Variants in RP2 observed in about 807,000 individuals in gnomAD.
The protein encoded by RP2 is RP2 activator of ARL3 GTPase.
Under a neutral mutation model 20.3 loss-of-function variants are expected in RP2, and 3 were observed. The observed-to-expected ratio is 0.15, with a 90% CI of 0.07 to 0.38. The LOEUF is 0.38. Ranked by LOEUF, RP2 falls within the 10% of genes least tolerant of loss-of-function variation. The pLI, the probability that RP2 is intolerant of heterozygous loss-of-function variation, is 1.00. For missense variants in RP2, 233 were observed against 268.5 expected, an observed-to-expected ratio of 0.87 and a Z score of 0.92; for synonymous variants, 75 against 94.8, an observed-to-expected ratio of 0.79 and a Z score of 1.22.
At chrX:46,868,647 G>A (rs1925220995) in intron 3 of RP2, among the ~76,000 whole-genome samples, 2 of 109,348 alleles carry the variant, frequency 1.8e-5, no homozygotes, top group Non-Finnish European at 3.8e-5. Context: ...TTAGCCGGGC[G>A]TGGTGGCACT....
chrX:46,863,157 G>A (rs1388268697), intron 3 of RP2, among the ~76,000 whole-genome samples: 1 of 111,851 alleles, frequency 8.9e-6, no homozygotes, highest in Non-Finnish European at 1.9e-5. Context: ...TTTGGGACAA[G>A]TGGGGAAGTT....
At chrX:46,838,869 C>G (rs1319326700) in intron 1 of RP2, among the ~76,000 whole-genome samples, 1 of 111,624 alleles carries the variant, frequency 9.0e-6, no homozygotes, top group Admixed American at 9.6e-5. Context: ...AATAAACTTT[C>G]AATTGTAGAA....
intron 3 of RP2, among the ~76,000 whole-genome samples, chrX:46,862,303 G>A (rs911348615): frequency 2.1e-4 from 23 of 110,080 alleles, no homozygotes; most frequent in Non-Finnish European, 2.5e-4. Context: ...CCTGGGAGGC[G>A]GAGGTTGCAG....
intron 1 of RP2, among the ~76,000 whole-genome samples, chrX:46,852,180 C>G (rs1252305302): frequency 9.1e-6 from 1 of 109,816 alleles, no homozygotes; most frequent in Non-Finnish European, 1.9e-5. Flanking sequence ...GCATTCCAGC[C>G]TGGGCGACAG....
chrX:46,867,517 A>G (rs1405081820), intron 3 of RP2, among the ~76,000 whole-genome samples: 1 of 112,865 alleles, frequency 8.9e-6, no homozygotes, highest in Non-Finnish European at 1.9e-5. Flanking sequence ...GAATAAAGCC[A>G]GTATAAACAT....
At chrX:46,862,229 G>A (rs374234474) in intron 3 of RP2, among the ~76,000 whole-genome samples, 1 of 108,956 alleles carries the variant, frequency 9.2e-6, no homozygotes, top group Non-Finnish European at 1.9e-5. Context: ...AAAATTAGCC[G>A]GGTGTGATGG....
chrX:46,873,523 G>T (rs1018370351), intron 3 of RP2, among the ~76,000 whole-genome samples: 5 of 111,838 alleles, frequency 4.5e-5, no homozygotes, highest in African/African-American at 1.6e-4. Flanking sequence ...AAAAAATTTA[G>T]TAGTGCTTAG....
chrX:46,869,077 G>T (rs1212771957), intron 3 of RP2, among the ~76,000 whole-genome samples: 1 of 109,668 alleles, frequency 9.1e-6, no homozygotes, highest in Non-Finnish European at 1.9e-5. Flanking sequence ...CCAGCCTTGG[G>T]GGGAGTGACC....
intron 3 of RP2, among the ~76,000 whole-genome samples, chrX:46,863,759 G>C (rs1925117902): frequency 9.0e-6 from 1 of 111,697 alleles, no homozygotes; most frequent in African/African-American, 3.3e-5. Context: ...GTGGGAGGGA[G>C]GCAAAATTGC....
At chrX:46,852,230 G>GAGGGAAGGA (rs782438154) in intron 1 of RP2, among the ~76,000 whole-genome samples, 1 of 109,916 alleles carries the variant, frequency 9.1e-6, no homozygotes, top group Admixed American at 9.8e-5. Flanking sequence ...AGAAAGGAGG[G>GAGGGAAGGA]AGGGAAGGAA....
At chrX:46,864,920 T>C (rs1336431933) in intron 3 of RP2, among the ~76,000 whole-genome samples, 2 of 112,440 alleles carry the variant, frequency 1.8e-5, no homozygotes, top group Non-Finnish European at 3.8e-5. Flanking sequence ...TGTAGGCCAC[T>C]GTAGAGACTT....
At chrX:46,866,119 A>C (rs1925168395) in intron 3 of RP2, among the ~76,000 whole-genome samples, 1 of 110,454 alleles carries the variant, frequency 9.1e-6, no homozygotes, top group African/African-American at 3.3e-5. Context: ...ACACTTCCTT[A>C]CTTCCTGGCC....
intron 2 of RP2, among the ~76,000 whole-genome samples, chrX:46,858,899 A>C (rs1288574374): frequency 1.8e-5 from 2 of 112,124 alleles, no homozygotes; most frequent in Non-Finnish European, 3.8e-5. Flanking sequence ...CCATACCTTG[A>C]ATAATCTTTT....
Position 46,853,470 on chromosome X carries a change from C to T in RP2, c.103-6C>T. The T allele has an allele frequency of 8.3e-7, 1 of 1,207,472 alleles. No homozygotes were observed. The highest frequency in any genetic ancestry group is 1.1e-6 in the Non-Finnish European group (1 of 892,812). ...AATACTCAAGGTCTGTGTTTTGTTC[C>T]TGCAGGTTGATCCAAAAGACTACAT... is the stretch of plus-strand genomic sequence containing the variant. On this transcript the variant is annotated splice_polypyrimidine_tract_variant and splice_region_variant and intron_variant, in intron 1 of 4. Coordinates refer to ENST00000218340, the MANE Select transcript of RP2 (RefSeq NM_006915.3).
chrX:46,857,070 CTATATT>C (rs1924973919), intron 2 of RP2, among the ~76,000 whole-genome samples: 1 of 111,196 alleles, frequency 9.0e-6, no homozygotes, highest in Non-Finnish European at 1.9e-5. Context: ...ATTGCTAACT[CTATATT>C]TGTTAAACCC....
chrX:46,856,932 A>T (rs1924971061), intron 2 of RP2, among the ~76,000 whole-genome samples: 1 of 112,233 alleles, frequency 8.9e-6, no homozygotes, highest in Admixed American at 9.5e-5. Flanking sequence ...TACATTTTTT[A>T]AAAAATGAGA....
At position 46,879,830 on chromosome X, in the gene RP2, G is replaced by C; in HGVS notation, c.*61G>C. ...TTCCCAACTTGTGAATATAGAATTT[G>C]ATAATACACTTTTGTGTATTAGCAA... On this transcript the variant is annotated 3_prime_UTR_variant, in exon 5 of 5. Coordinates refer to ENST00000218340, the MANE Select transcript of RP2 (RefSeq NM_006915.3). 2.9e-6 allele frequency: 2 copies of C among 690,590 alleles called. No individual in the cohort carries two copies. Among genetic ancestry groups the C allele is most frequent in the South Asian group, 5.9e-5 (2 of 33,831 alleles). 56.9% of individuals were successfully genotyped at this position (690,590 alleles called of 1,213,427 possible).
chrX:46,874,958 G>A (rs1004851824), intron 3 of RP2, among the ~76,000 whole-genome samples: 6 of 110,750 alleles, frequency 5.4e-5, no homozygotes, highest in Admixed American at 9.6e-5. Context: ...TGTTTAATTC[G>A]TTCCTCCATA....
intron 2 of RP2, among the ~76,000 whole-genome samples, chrX:46,857,928 A>C (rs1602349109): frequency 8.9e-6 from 1 of 112,125 alleles, no homozygotes; most frequent in East Asian, 2.8e-4. Context: ...ATGTCCATGT[A>C]ATTCTCTACA....
Sources: gnomAD v4.1 joint callset for allele counts (sites outside exome capture counted in the v4.1 genomes callset) on GRCh38, gnomAD v4.1.1 for gene constraint, MANE v1.5 for transcripts, NCBI Gene and HGNC (gene_info 2026-07-23, HGNC 2026-07-21) for gene names.